Variants in CSMD1 observed in about 807,000 individuals in gnomAD.
CSMD1 encodes the protein CUB and sushi domain-containing protein 1.
In CSMD1, 213 loss-of-function variants were observed where a neutral mutation model predicts 417.5. The observed-to-expected ratio is 0.51, with a 90% CI of 0.46 to 0.57. CSMD1 has a LOEUF of 0.57. Ranked by LOEUF, CSMD1 falls within the 20% of genes least tolerant of loss-of-function variation. The pLI, the probability that CSMD1 is intolerant of heterozygous loss-of-function variation, is 0.00. For missense variants in CSMD1, 6,923 were observed against 4,529.7 expected, an observed-to-expected ratio of 1.53 and a Z score of -15.17; for synonymous variants, 2,862 against 1,736.8, an observed-to-expected ratio of 1.65 and a Z score of -16.11.
At chr8:4,578,127 G>A (rs570024949) in intron 2 of CSMD1, among the ~76,000 whole-genome samples, 1 of 152,110 alleles carries the variant, frequency 6.6e-6, no homozygotes, top group Admixed American at 6.6e-5. Flanking sequence ...TATACTCAAA[G>A]TCCCCCACAT....
At chr8:4,201,983 C>T (rs532765543) in intron 3 of CSMD1, among the ~76,000 whole-genome samples, 1 of 151,604 alleles carries the variant, frequency 6.6e-6, no homozygotes, top group East Asian at 1.9e-4. Context: ...ATGAATCCTA[C>T]TTGCATTTTG....
intron 4 of CSMD1, among the ~76,000 whole-genome samples, chr8:4,019,678 A>T (rs1215299472): frequency 6.6e-6 from 1 of 152,162 alleles, no homozygotes; most frequent in Non-Finnish European, 1.5e-5. Context: ...GTTGTCTGAG[A>T]TAATGCTGCT....
intron 5 of CSMD1, among the ~76,000 whole-genome samples, chr8:3,957,389 T>C (rs551486985): frequency 6.6e-6 from 1 of 152,260 alleles, no homozygotes; most frequent in Non-Finnish European, 1.5e-5. Context: ...CATAAAAATA[T>C]ATGTCAGTCT....
intron 2 of CSMD1, among the ~76,000 whole-genome samples, chr8:4,540,080 A>G (rs1295117939): frequency 2.0e-5 from 3 of 152,284 alleles, no homozygotes; most frequent in South Asian, 2.1e-4. Flanking sequence ...ATTATTTTCA[A>G]TACGATTATC....
intron 3 of CSMD1, among the ~76,000 whole-genome samples, chr8:4,358,263 A>G (rs1801546517): frequency 1.3e-5 from 2 of 152,202 alleles, no homozygotes; most frequent in African/African-American, 4.8e-5. Flanking sequence ...CTTTTGCTTT[A>G]CCAGTGGGTG....
At chr8:3,845,033 A>G (rs1585081028) in intron 5 of CSMD1, among the ~76,000 whole-genome samples, 2 of 152,324 alleles carry the variant, frequency 1.3e-5, no homozygotes, top group East Asian at 1.9e-4. Flanking sequence ...ATAATTTTAT[A>G]ACACAATAAA....
chr8:3,668,928 G>C (rs1301756679), intron 7 of CSMD1, among the ~76,000 whole-genome samples: 3 of 152,188 alleles, frequency 2.0e-5, no homozygotes, highest in Non-Finnish European at 4.4e-5. Context: ...ATAGCTCTTT[G>C]AGAGGCGTGA....
intron 26 of CSMD1, among the ~76,000 whole-genome samples, chr8:3,256,323 A>AAAAG (rs1554487841): frequency 1.4e-5 from 2 of 138,024 alleles, no homozygotes; most frequent in Admixed American, 7.4e-5. Context: ...AAAAAAAAAA[A>AAAAG]AAGAGAAGAA....
At chr8:4,410,209 A>T (rs1403480325) in intron 3 of CSMD1, among the ~76,000 whole-genome samples, 1 of 152,208 alleles carries the variant, frequency 6.6e-6, no homozygotes, top group Non-Finnish European at 1.5e-5. Context: ...TGAACCAAAC[A>T]GTTTAGGTAA....
intron 8 of CSMD1, among the ~76,000 whole-genome samples, chr8:3,604,305 G>T (rs368359164): frequency 6.6e-6 from 1 of 152,218 alleles, no homozygotes; most frequent in East Asian, 1.9e-4. Flanking sequence ...GCTGCGGGGG[G>T]GGACCAAAGG....
At chr8:3,681,486 T>C (rs886712887) in intron 7 of CSMD1, among the ~76,000 whole-genome samples, 1 of 152,162 alleles carries the variant, frequency 6.6e-6, no homozygotes, top group African/African-American at 2.4e-5. Context: ...TTACAAGGGA[T>C]GTGAAGGACC....
In CSMD1 at chr8:3,831,650, T is replaced by G. The variant is rs576613603; in HGVS notation, c.819-77608A>C. On this transcript the variant is annotated intron_variant, in intron 5 of 69. Transcript: ENST00000635120. ...CTTATGGGTTTTCCTTCAAAAGGAATCTATGACAAATTAAAATCTTTACCG... is the reference window on the plus strand; with the variant it reads ...CTTATGGGTTTTCCTTCAAAAGGAAGCTATGACAAATTAAAATCTTTACCG... Among the ~76,000 whole-genome samples the G allele has an allele frequency of 2.0e-4, 31 of 152,300 alleles. 1 individual carries two copies. The South Asian group carries it at 4.8e-3, about 23-fold the overall frequency.
Position 3,605,535 on chromosome 8 carries a change from C to G in CSMD1, c.1097+11175G>C, listed in dbSNP as rs142148438. On this transcript the variant is annotated intron_variant, in intron 8 of 69. Coordinates refer to ENST00000635120, the MANE Select transcript of CSMD1 (RefSeq NM_033225.6). Reference sequence around the variant, plus strand: ...AAACTAGAAATGAGCAGTTGTTTATCACAACACATGGGCTATGGATTTGTT... The same window carrying G: ...AAACTAGAAATGAGCAGTTGTTTATGACAACACATGGGCTATGGATTTGTT... 1.0e-3 allele frequency among the ~76,000 whole-genome samples: 159 copies of G among 152,256 alleles called. 1 individual carries two copies. The highest frequency in any genetic ancestry group is 3.7e-3 in the African/African-American group (154 of 41,554).
rs566992353 is a variant in CSMD1 at position 2,957,345 on chromosome 8, A to G, written c.9814+351T>C. Among the ~76,000 whole-genome samples, 138 of 152,310 alleles carry G rather than the reference A, an allele frequency of 9.1e-4. 2 individuals carry two copies. Among genetic ancestry groups the G allele is most frequent in the African/African-American group, 2.8e-3 (115 of 41,566 alleles). ...TAAGTTTTCCCTCTAAGAATGTTCA[A>G]TATAACATTATGCACTTATCTTCGG... On this transcript the variant is annotated intron_variant, in intron 63 of 69. Transcript: ENST00000635120.
intron 6 of CSMD1, among the ~76,000 whole-genome samples, chr8:3,713,364 T>C (rs35550622): frequency 0.33 from 50,028 of 152,034 alleles, 8,385 homozygotes; most frequent in East Asian, 0.49. Context: ...GTTTTTAAAA[T>C]GGCAATAATG....
chr8:3,969,467 T>G (rs907581752), intron 5 of CSMD1, among the ~76,000 whole-genome samples: 2 of 152,182 alleles, frequency 1.3e-5, no homozygotes, highest in African/African-American at 4.8e-5. Flanking sequence ...TTTAAGATCC[T>G]GGTCTATAAG....
At chr8:3,252,120 G>C (rs11777157) in intron 26 of CSMD1, among the ~76,000 whole-genome samples, 47,591 of 152,158 alleles carry the variant, frequency 0.31, 7,790 homozygotes, top group Admixed American at 0.37. Flanking sequence ...TGGTGAGAGA[G>C]CGCATCCCTG....
intron 1 of CSMD1, among the ~76,000 whole-genome samples, chr8:4,817,174 A>C (rs1585149741): frequency 6.6e-6 from 1 of 152,160 alleles, no homozygotes; most frequent in South Asian, 2.1e-4. Flanking sequence ...TATACACACT[A>C]TACTCATGTA....
At chr8:3,186,096 G>A (rs980262747) in intron 36 of CSMD1, among the ~76,000 whole-genome samples, 14 of 149,206 alleles carry the variant, frequency 9.4e-5, no homozygotes, top group African/African-American at 3.2e-4. Context: ...TACCTGTAAT[G>A]CTGTCTATTT....
Sources: gnomAD v4.1 joint callset for allele counts (sites outside exome capture counted in the v4.1 genomes callset) on GRCh38, gnomAD v4.1.1 for gene constraint, MANE v1.5 for transcripts, NCBI Gene and HGNC (gene_info 2026-07-23, HGNC 2026-07-21) for gene names.